Variants in PLCZ1 observed in about 807,000 individuals in gnomAD.
The protein encoded by PLCZ1 is 1-phosphatidylinositol 4,5-bisphosphate phosphodiesterase zeta-1.
Under a neutral mutation model 76.8 loss-of-function variants are expected in PLCZ1, and 64 were observed. The observed-to-expected ratio is 0.83, with a 90% CI of 0.68 to 1.03. The LOEUF (loss-of-function observed/expected upper bound fraction) is 1.03. PLCZ1 is among the 50% of genes least tolerant of loss of function. PLCZ1 has a pLI of 0.00. For synonymous variants in PLCZ1, 248 were observed against 230.8 expected (o/e 1.07, Z -0.68); for missense variants, 751 against 713.7 (o/e 1.05, Z -0.60).
the PLCZ1 span, among the ~76,000 whole-genome samples, chr12:18,668,554 AAGG>A: frequency 2.0e-5 from 3 of 152,102 alleles, no homozygotes; most frequent in Non-Finnish European, 4.4e-5. Flanking sequence ...TGCCTTCTTC[AAGG>A]AGATCATGCA....
At chr12:18,652,653 A>C in the PLCZ1 span, among the ~76,000 whole-genome samples, 6 of 152,242 alleles carry the variant, frequency 3.9e-5, no homozygotes, top group South Asian at 1.2e-3. Flanking sequence ...TTATTACCTA[A>C]ACAAATGATA....
chr12:18,712,727 A>G, intron 6 of PLCZ1, 115 bp downstream of exon 6: 1 of 1,302,202 alleles, frequency 7.7e-7, no homozygotes, highest in East Asian at 2.4e-5. Context: ...ATGGATCATA[A>G]CCCACAATTT....
chr12:18,737,418 C>A lies in PLCZ1; in HGVS notation c.-47G>T, dbSNP rs1224945298. ...GTTTCTCCTCACTTAGAAGTCTTTC[C>A]CCAGTAGGTGCTGTCATGGGTTCCA... On this transcript the variant is annotated 5_prime_UTR_variant, in exon 2 of 15. Transcript: ENST00000266505. 1.9e-6 allele frequency: 3 copies of A among 1,612,966 alleles called. No homozygotes were observed. The African/African-American group carries it at 4.0e-5, about 22-fold the overall frequency.
At chr12:18,694,215 C>T in intron 12 of PLCZ1, 2 of 621,660 alleles carry the variant, frequency 3.2e-6, no homozygotes, top group South Asian at 2.1e-5. Context: ...ATTAGCAAAA[C>T]ATCCTGTGTC....
the PLCZ1 span, among the ~76,000 whole-genome samples, chr12:18,659,748 C>T: frequency 6.5e-4 from 97 of 149,034 alleles, no homozygotes; most frequent in East Asian, 0.011. Flanking sequence ...TATGTATACA[C>T]GTGCCATATT....
rs149250083 is a variant in PLCZ1 at position 18,736,346 on chromosome 12, T to C, written c.12-2A>G. ...TCCTGAATCTTTGACAAAAACCATG[T>C]AGAAGCACAAAAAAGTTAAGGAAAT... On this transcript the variant is annotated splice_acceptor_variant, in intron 2 of 14. Transcript: ENST00000266505. LOFTEE classifies it high-confidence loss of function. The C allele has an allele frequency of 2.5e-6, 4 of 1,610,714 alleles. No individual in the cohort carries two copies. The highest frequency in any genetic ancestry group is 3.4e-6 in the Non-Finnish European group (4 of 1,178,710).
At chr12:18,662,323 T>C in the PLCZ1 span, among the ~76,000 whole-genome samples, 1 of 152,034 alleles carries the variant, frequency 6.6e-6, no homozygotes, top group East Asian at 1.9e-4. Context: ...GGTTTTTAAG[T>C]ACAATTTTTA....
intron 10 of PLCZ1, among the ~76,000 whole-genome samples, chr12:18,697,355 G>A (rs4764417): frequency 0.48 from 73,382 of 151,916 alleles, 18,893 homozygotes; most frequent in African/African-American, 0.66. Context: ...TTGAAACCAT[G>A]TGTGTATAAA....
the PLCZ1 span, among the ~76,000 whole-genome samples, chr12:18,656,937 C>T: frequency 0.82 from 123,844 of 151,846 alleles, 50,651 homozygotes; most frequent in African/African-American, 0.86. Flanking sequence ...GCTCCCAGCT[C>T]AACTTTTTAA....
the PLCZ1 span, among the ~76,000 whole-genome samples, chr12:18,661,494 C>T: frequency 6.6e-6 from 1 of 152,048 alleles, no homozygotes; most frequent in Non-Finnish European, 1.5e-5. Flanking sequence ...ACCATGAATC[C>T]TGTATCTAGC....
At chr12:18,653,846 C>G in the PLCZ1 span, among the ~76,000 whole-genome samples, 4 of 152,032 alleles carry the variant, frequency 2.6e-5, no homozygotes, top group Non-Finnish European at 5.9e-5. Context: ...AGAAAATGCC[C>G]TCTTCCTAGG....
intron 6 of PLCZ1, among the ~76,000 whole-genome samples, chr12:18,711,243 A>G (rs537586262): frequency 1.3e-5 from 2 of 151,738 alleles, no homozygotes; most frequent in African/African-American, 2.4e-5. Flanking sequence ...AGAGACATGG[A>G]TGAAACTGGA....
chr12:18,676,189 A>C, the PLCZ1 span, among the ~76,000 whole-genome samples: 2 of 152,138 alleles, frequency 1.3e-5, no homozygotes, highest in African/African-American at 4.8e-5. Context: ...GAACTGAAAA[A>C]ACAAGAGAAA....
intron 13 of PLCZ1, 94 bp from the exon 14 acceptor site, chr12:18,684,373 C>A: frequency 8.3e-7 from 1 of 1,206,434 alleles, no homozygotes; most frequent in Non-Finnish European, 1.2e-6. Flanking sequence ...TCTTTTCAAC[C>A]CTTTAACAAT....
Position 18,704,209 on chromosome 12 carries a change from A to C in PLCZ1, c.864+957T>G, listed in dbSNP as rs560764643. Among the ~76,000 whole-genome samples the C allele has an allele frequency of 5.3e-5, 8 of 152,338 alleles. No homozygotes were observed. In the South Asian group the frequency reaches 1.7e-3, roughly 32 times the overall value. On this transcript the variant is annotated intron_variant, in intron 7 of 14. Transcript: ENST00000266505. The stretch of plus-strand genomic sequence containing the variant: ...GGTTCATTAGAATTTATCAGTAAGA[A>C]AATCTTTGATGAATGTGATGGGAAC...
chr12:18,693,647 G>A, intron 12 of PLCZ1: 4 of 1,563,672 alleles, frequency 2.6e-6, no homozygotes, highest in Non-Finnish European at 3.5e-6. Flanking sequence ...TGACGCCATT[G>A]GGACAAAAAG....
At chr12:18,648,713 C>A in the PLCZ1 span, among the ~76,000 whole-genome samples, 2 of 152,050 alleles carry the variant, frequency 1.3e-5, no homozygotes, top group South Asian at 4.1e-4. Flanking sequence ...CTGAAACTCT[C>A]CCTTCTGATC....
chr12:18,736,117 T>G, intron 3 of PLCZ1, 104 bp downstream of exon 3: 4 of 1,313,820 alleles, frequency 3.0e-6, no homozygotes, highest in Non-Finnish European at 4.2e-6. Context: ...GTTAGTATAA[T>G]TAATTGCTTT....
At chr12:18,683,995 A>C (rs573410695) in intron 14 of PLCZ1, 135 bp downstream of exon 14, 64 of 1,085,170 alleles carry the variant, frequency 5.9e-5, no homozygotes, top group Non-Finnish European at 8.1e-5. Flanking sequence ...ACAGAGAAAA[A>C]ATATGTGTCA....
Sources: gnomAD v4.1 joint callset for allele counts (sites outside exome capture counted in the v4.1 genomes callset) on GRCh38, gnomAD v4.1.1 for gene constraint, MANE v1.5 for transcripts, NCBI Gene and HGNC (gene_info 2026-07-23, HGNC 2026-07-21) for gene names.